Variants in AKAP19 observed in about 807,000 individuals in gnomAD.
AKAP19 encodes the protein A-kinase anchoring protein 19.
chr2:190,096,507 A>G, the AKAP19 span, among the ~76,000 whole-genome samples: 3,144 of 152,238 alleles, frequency 0.021, 107 homozygotes, highest in African/African-American at 0.07. Context: ...TAGGTCATAT[A>G]GCCCTATTTC....
At chr2:189,964,580 C>A in the AKAP19 span, among the ~76,000 whole-genome samples, 2 of 152,290 alleles carry the variant, frequency 1.3e-5, no homozygotes, top group Admixed American at 1.3e-4. Context: ...AGTGTAGCCA[C>A]CTTCATCAAT....
At chr2:190,117,382 C>T in the AKAP19 span, among the ~76,000 whole-genome samples, 1 of 151,838 alleles carries the variant, frequency 6.6e-6, no homozygotes, top group African/African-American at 2.4e-5. Context: ...TTAATATAGA[C>T]CCTGGCAAAT....
the AKAP19 span, among the ~76,000 whole-genome samples, chr2:190,045,355 AC>A: frequency 6.6e-6 from 1 of 151,064 alleles, no homozygotes; most frequent in African/African-American, 2.4e-5. Context: ...ATGGAGTCCT[AC>A]CCCTCCCTCT....
the AKAP19 span, among the ~76,000 whole-genome samples, chr2:190,161,514 T>A: frequency 6.6e-6 from 1 of 152,202 alleles, no homozygotes; most frequent in African/African-American, 2.4e-5. Context: ...TATTTACTAT[T>A]GTCATGTCAT....
the AKAP19 span, among the ~76,000 whole-genome samples, chr2:189,997,294 G>A: frequency 7.9e-5 from 12 of 152,180 alleles, no homozygotes; most frequent in African/African-American, 2.9e-4. Context: ...CCCTAAGTTG[G>A]CCAGGATAAA....
chr2:190,083,697 A>G, the AKAP19 span, among the ~76,000 whole-genome samples: 12 of 152,314 alleles, frequency 7.9e-5, no homozygotes, highest in Non-Finnish European at 1.5e-4. Flanking sequence ...AGGTTAACTT[A>G]CAGCTATTTG....
At chr2:190,038,910 C>CTTTCTTTCTTTCT in the AKAP19 span, among the ~76,000 whole-genome samples, 14 of 105,242 alleles carry the variant, frequency 1.3e-4, no homozygotes, top group African/African-American at 6.9e-4. Flanking sequence ...CTTTCTTCTT[C>CTTTCTTTCTTTCT]TTCTTCTTCT....
At chr2:190,111,778 A>G in the AKAP19 span, among the ~76,000 whole-genome samples, 1 of 152,214 alleles carries the variant, frequency 6.6e-6, no homozygotes. Flanking sequence ...ATGTGCACAT[A>G]TACACACACA....
the AKAP19 span, among the ~76,000 whole-genome samples, chr2:190,119,419 G>GA: frequency 6.6e-6 from 1 of 152,274 alleles, no homozygotes; most frequent in East Asian, 1.9e-4. Flanking sequence ...GTAGCCCCCA[G>GA]AAAAAACTGG....
At chr2:190,014,256 T>G in the AKAP19 span, among the ~76,000 whole-genome samples, 2 of 152,128 alleles carry the variant, frequency 1.3e-5, no homozygotes, top group Non-Finnish European at 2.9e-5. Context: ...AGGAAAAGGG[T>G]TTAATTGACT....
At chr2:189,989,101 G>T in the AKAP19 span, among the ~76,000 whole-genome samples, 65 of 152,276 alleles carry the variant, frequency 4.3e-4, no homozygotes, top group African/African-American at 1.5e-3. Context: ...CATTTTGTTA[G>T]CCACTATATC....
the AKAP19 span, chr2:190,199,601 T>C: frequency 1.6e-6 from 1 of 624,426 alleles, no homozygotes; most frequent in Admixed American, 3.9e-5. Flanking sequence ...ATTTCTTCCA[T>C]GTGACCAAAG....
At chr2:189,940,258 G>C in the AKAP19 span, among the ~76,000 whole-genome samples, 1 of 134,398 alleles carries the variant, frequency 7.4e-6, no homozygotes, top group South Asian at 2.4e-4. Flanking sequence ...TGGCTTGGGC[G>C]ACAGAGCAAG....
the AKAP19 span, chr2:190,189,624 G>GT: frequency 6.6e-6 from 1 of 152,178 alleles, no homozygotes; most frequent in Non-Finnish European, 1.5e-5. Context: ...TGGTGGGGAT[G>GT]AAGTATTACT....
At chr2:189,897,463 G>C in the AKAP19 span, among the ~76,000 whole-genome samples, 1 of 152,058 alleles carries the variant, frequency 6.6e-6, no homozygotes, top group Non-Finnish European at 1.5e-5. Flanking sequence ...TATGTATTCT[G>C]TGAAGTTTGC....
chr2:190,066,823 G>A, the AKAP19 span, among the ~76,000 whole-genome samples: 1 of 152,132 alleles, frequency 6.6e-6, no homozygotes, highest in Non-Finnish European at 1.5e-5. Context: ...ATGTATGTGT[G>A]AATTCATGTA....
chr2:190,161,045 A>C, the AKAP19 span, among the ~76,000 whole-genome samples: 2 of 152,142 alleles, frequency 1.3e-5, no homozygotes, highest in South Asian at 4.1e-4. Context: ...ATATTTTTTA[A>C]AGCTCCCCAA....
the AKAP19 span, among the ~76,000 whole-genome samples, chr2:189,940,601 C>A: frequency 5.9e-5 from 9 of 152,028 alleles, 1 homozygote; most frequent in Admixed American, 5.9e-4. Context: ...AAAAAACACT[C>A]ACAGGAAATT....
At chr2:190,016,906 GTAT>G in the AKAP19 span, among the ~76,000 whole-genome samples, 5 of 151,968 alleles carry the variant, frequency 3.3e-5, no homozygotes, top group Non-Finnish European at 5.9e-5. Flanking sequence ...CACTACTATT[GTAT>G]TATTATCTCT....
Sources: gnomAD v4.1 joint callset for allele counts (sites outside exome capture counted in the v4.1 genomes callset) on GRCh38, gnomAD v4.1.1 for gene constraint, MANE v1.5 for transcripts, NCBI Gene and HGNC (gene_info 2026-07-23, HGNC 2026-07-21) for gene names.